PHLPP1: variants seen among roughly 807,000 people sequenced by gnomAD.
The protein encoded by PHLPP1 is PH domain leucine-rich repeat-containing protein phosphatase 1.
In PHLPP1, 42 loss-of-function variants were observed where a neutral mutation model predicts 117.2. The ratio of observed to expected loss-of-function variants is 0.36; its 90% CI spans 0.28 to 0.46. The LOEUF is 0.46. PHLPP1 is among the 20% of genes least tolerant of loss of function. The pLI is 1.00. For missense variants in PHLPP1, 2,084 were observed against 2,241.9 expected (o/e 0.93, Z 1.42); for synonymous variants, 1,042 against 970.7 (o/e 1.07, Z -1.37).
intron 4 of PHLPP1, among the ~76,000 whole-genome samples, chr18:62,878,944 T>C (rs1916108908): frequency 6.6e-6 from 1 of 152,204 alleles, no homozygotes; most frequent in Admixed American, 6.5e-5. Flanking sequence ...ACTTTAAGCA[T>C]TCTTTACAAC....
At chr18:62,927,742 A>G (rs1018647447) in intron 10 of PHLPP1, among the ~76,000 whole-genome samples, 1 of 152,150 alleles carries the variant, frequency 6.6e-6, no homozygotes, top group African/African-American at 2.4e-5. Flanking sequence ...TCCAAAAGGC[A>G]TAACATTTGT....
intron 3 of PHLPP1, among the ~76,000 whole-genome samples, chr18:62,858,313 A>G (rs1248511457): frequency 1.4e-5 from 2 of 145,404 alleles, no homozygotes; most frequent in African/African-American, 5.2e-5. Flanking sequence ...CCCAGGCTGG[A>G]CTGCAATGGC....
chr18:62,886,129 G>T (rs531015589), intron 4 of PHLPP1, among the ~76,000 whole-genome samples: 1 of 152,160 alleles, frequency 6.6e-6, no homozygotes, highest in African/African-American at 2.4e-5. Context: ...ATTTTATAAT[G>T]TAAATATAGT....
chr18:62,941,736 C>T lies in PHLPP1; in HGVS notation c.2979C>T (p.Ala993=), dbSNP rs751810126. The part of the protein sequence containing the change: ...MKADSLRFLN[A]SANKLESLPP... ...ATTGTAGCCTGAGATTCCTGAACGCCTCTGCGAACAAACTGGAAAGCCTTC... is the reference window on the plus strand; with the variant it reads ...ATTGTAGCCTGAGATTCCTGAACGCTTCTGCGAACAAACTGGAAAGCCTTC... Residue 993 remains alanine (A), a synonymous_variant, in exon 11 of 17, where the codon GCC becomes GCT. Transcript: ENST00000262719. 2.5e-6 allele frequency: 4 copies of T among 1,613,068 alleles called. No homozygotes were observed. In the African/African-American group the frequency reaches 4.0e-5, roughly 16 times the overall value.
At chr18:62,860,998 A>G (rs1012710541) in intron 4 of PHLPP1, among the ~76,000 whole-genome samples, 1 of 152,210 alleles carries the variant, frequency 6.6e-6, no homozygotes, top group African/African-American at 2.4e-5. Flanking sequence ...TCCCATAAAA[A>G]GATATTTCCT....
At position 62,717,243 on chromosome 18, in the gene PHLPP1, C is replaced by T. The variant is rs757067510; in HGVS notation, c.1560C>T (p.Leu520=). The T allele has an allele frequency of 2.5e-6, 4 of 1,594,098 alleles. No individual in the cohort carries two copies. Among genetic ancestry groups the T allele is most frequent in the East Asian group, 4.5e-5 (2 of 44,462 alleles). Residue 520 remains leucine, a synonymous_variant, in exon 1 of 17, where the codon CTC becomes CTT. Transcript: ENST00000262719. ...EEGMDSEIGC[L]IRFYAGKPHS... is the part of the protein sequence containing the mutation. ...GCATGGACTCGGAGATTGGCTGCCT[C>T]ATCCGCTTCTATGCAGGTAAGGAAG...
intron 1 of PHLPP1, among the ~76,000 whole-genome samples, chr18:62,748,922 C>T (rs1911759719): frequency 1.3e-5 from 2 of 152,002 alleles, no homozygotes; most frequent in Non-Finnish European, 2.9e-5. Flanking sequence ...ACTGTCCATT[C>T]TTCTGGAAGT....
At chr18:62,947,824 G>A (rs929232176) in intron 12 of PHLPP1, among the ~76,000 whole-genome samples, 3 of 151,798 alleles carry the variant, frequency 2.0e-5, no homozygotes, top group Non-Finnish European at 4.4e-5. Flanking sequence ...TCAGGAGTTC[G>A]AGACCAGCCT....
At chr18:62,924,770 C>T (rs1320584834) in intron 10 of PHLPP1, among the ~76,000 whole-genome samples, 2 of 147,980 alleles carry the variant, frequency 1.4e-5, no homozygotes, top group African/African-American at 2.5e-5. Context: ...CCTAGGAGTT[C>T]GAGGCTGCCG....
At chr18:62,862,032 T>C (rs1915644620) in intron 4 of PHLPP1, among the ~76,000 whole-genome samples, 1 of 152,220 alleles carries the variant, frequency 6.6e-6, no homozygotes, top group Non-Finnish European at 1.5e-5. Context: ...TAATGTATTT[T>C]ATTATGGAAT....
chr18:62,885,436 T>C (rs1599102067), intron 4 of PHLPP1, among the ~76,000 whole-genome samples: 1 of 151,964 alleles, frequency 6.6e-6, no homozygotes, highest in Admixed American at 6.5e-5. Flanking sequence ...CTGAGGTGGG[T>C]GGATCACAAG....
chr18:62,895,090 C>T lies in PHLPP1; in HGVS notation c.2146C>T (p.Leu716=). 6.2e-7 allele frequency: 1 copy of T among 1,613,928 alleles called. No homozygotes were observed. Among genetic ancestry groups the T allele is most frequent in the South Asian group, 1.1e-5 (1 of 91,080 alleles). The change falls in exon 5 of 17, where the codon CTG becomes TTG. Residue 716 remains leucine, a synonymous_variant. Coordinates refer to ENST00000262719, the MANE Select transcript of PHLPP1 (RefSeq NM_194449.4). ...FPLAVCSIPT[L]AELNVSCNAL... is the part of the protein sequence containing the mutation. Reference sequence around the variant, plus strand: ...ACTGGCAGTCTGCAGTATTCCAACCCTGGCAGAGCTGAACGTGTCCTGCAA... The same window carrying T: ...ACTGGCAGTCTGCAGTATTCCAACCTTGGCAGAGCTGAACGTGTCCTGCAA...
intron 1 of PHLPP1, among the ~76,000 whole-genome samples, chr18:62,816,348 G>A (rs1020426922): frequency 6.6e-6 from 1 of 152,150 alleles, no homozygotes; most frequent in African/African-American, 2.4e-5. Flanking sequence ...GGCGGATCAT[G>A]AGGTCAGGAG....
At chr18:62,940,364 T>C (rs1047222813) in intron 10 of PHLPP1, among the ~76,000 whole-genome samples, 16 of 121,418 alleles carry the variant, frequency 1.3e-4, no homozygotes, top group Non-Finnish European at 2.3e-4. Flanking sequence ...CTTTTTTTTT[T>C]TTTTTTTTTT....
intron 1 of PHLPP1, among the ~76,000 whole-genome samples, chr18:62,818,139 C>T (rs530218534): frequency 9.2e-5 from 14 of 152,072 alleles, no homozygotes; most frequent in South Asian, 2.1e-4. Context: ...CCACCATGCC[C>T]GGGCCAAACT....
chr18:62,900,762 G>A (rs1916704136), intron 6 of PHLPP1, among the ~76,000 whole-genome samples: 1 of 152,026 alleles, frequency 6.6e-6, no homozygotes, highest in Non-Finnish European at 1.5e-5. Flanking sequence ...ATAATATATT[G>A]TATTCTTGAA....
chr18:62,924,752 C>T (rs997128253), intron 10 of PHLPP1, among the ~76,000 whole-genome samples: 3 of 147,974 alleles, frequency 2.0e-5, no homozygotes, highest in Non-Finnish European at 4.5e-5. Context: ...GTGGGAGGAT[C>T]CCTTGAGCCT....
At chr18:62,786,605 G>T (rs1411086880) in intron 1 of PHLPP1, among the ~76,000 whole-genome samples, 1 of 152,162 alleles carries the variant, frequency 6.6e-6, no homozygotes, top group Non-Finnish European at 1.5e-5. Context: ...ATATTAAGGA[G>T]AAAAAGTCAT....
intron 1 of PHLPP1, among the ~76,000 whole-genome samples, chr18:62,738,320 CA>C (rs1213193860): frequency 6.6e-6 from 1 of 152,016 alleles, no homozygotes; most frequent in African/African-American, 2.4e-5. Context: ...GGTGCCACTG[CA>C]CTGCAGCCTG....
Sources: gnomAD v4.1 joint callset for allele counts (sites outside exome capture counted in the v4.1 genomes callset) on GRCh38, gnomAD v4.1.1 for gene constraint, MANE v1.5 for transcripts, NCBI Gene and HGNC (gene_info 2026-07-23, HGNC 2026-07-21) for gene names.